The following ARHGEF10L variants were observed in gnomAD, a reference collection of about 807,000 sequenced individuals.
ARHGEF10L encodes rho guanine nucleotide exchange factor 10-like protein.
ARHGEF10L carries 69 observed loss-of-function variants against 141.2 expected under a neutral mutation model. The observed-to-expected ratio is 0.49, with a 90% CI of 0.40 to 0.60. ARHGEF10L has a LOEUF of 0.60. Ranked by LOEUF, ARHGEF10L falls within the 20% of genes least tolerant of loss-of-function variation. ARHGEF10L has a pLI of 0.00. For missense variants in ARHGEF10L, 1,482 were observed against 1,734.3 expected (o/e 0.85, Z 2.58); for synonymous variants, 711 against 718.5 (o/e 0.99, Z 0.17).
chr1:17,555,032 T>C (rs1570435810), intron 1 of ARHGEF10L, among the ~76,000 whole-genome samples: 1 of 152,218 alleles, frequency 6.6e-6, no homozygotes. Flanking sequence ...GTTGCCAATA[T>C]GGGTAGACTG....
intron 19 of ARHGEF10L, 41 bp from the exon 20 acceptor site, chr1:17,638,521 A>G (rs1557896656): frequency 6.2e-7 from 1 of 1,612,194 alleles, no homozygotes; most frequent in Non-Finnish European, 8.5e-7. Context: ...TTGGGGAGCC[A>G]GTGTGCTGTG....
At position 17,621,231 on chromosome 1, in the gene ARHGEF10L, A is replaced by G. The variant is rs1047927439; in HGVS notation, c.943-633A>G. Among the ~76,000 whole-genome samples the G allele has an allele frequency of 6.6e-6, 1 of 151,904 alleles. No homozygotes were observed. Among genetic ancestry groups the G allele is most frequent in the African/African-American group, 2.4e-5 (1 of 41,348 alleles). On this transcript the variant is annotated intron_variant, in intron 10 of 28. Coordinates refer to ENST00000361221, the MANE Select transcript of ARHGEF10L (RefSeq NM_018125.4). This position sits in a 1 kb window ranked among gnomAD's most constrained non-coding sequence, Gnocchi z 4.1. Reference sequence around the variant, plus strand: ...CGGTTCATGCTAATGCTAAGACAGAATTTTCTTTTCTTTTTTTTTGAGATG... The same window carrying G: ...CGGTTCATGCTAATGCTAAGACAGAGTTTTCTTTTCTTTTTTTTTGAGATG...
At chr1:17,612,966 C>T in intron 7 of ARHGEF10L, 92 bp from the exon 8 acceptor site, 1 of 865,364 alleles carries the variant, frequency 1.2e-6, no homozygotes, top group South Asian at 1.5e-5. Context: ...ACCTGAGTCT[C>T]CTTTCTCCCC....
the ARHGEF10L span, among the ~76,000 whole-genome samples, chr1:17,534,283 C>G: frequency 2.0e-5 from 3 of 151,954 alleles, no homozygotes; most frequent in Non-Finnish European, 4.4e-5. Context: ...CCTCCACGCC[C>G]GGCTAATCTT....
intron 26 of ARHGEF10L, among the ~76,000 whole-genome samples, chr1:17,684,505 C>G (rs945884467): frequency 6.6e-6 from 1 of 152,136 alleles, no homozygotes; most frequent in Non-Finnish European, 1.5e-5. Context: ...CCTGGGCCTT[C>G]TCTGAGGGCC....
chr1:17,563,916 A>G (rs1234761534), intron 1 of ARHGEF10L, among the ~76,000 whole-genome samples: 2 of 152,104 alleles, frequency 1.3e-5, no homozygotes, highest in Admixed American at 1.3e-4. Flanking sequence ...AAGAAACAAA[A>G]TGACCCAGAC....
intron 26 of ARHGEF10L, among the ~76,000 whole-genome samples, chr1:17,680,497 C>T (rs992337663): frequency 1.3e-5 from 2 of 152,144 alleles, no homozygotes; most frequent in African/African-American, 2.4e-5. Flanking sequence ...GCGCCTGTAG[C>T]GGGTGGATGG....
chr1:17,563,233 T>C (rs2077613134), intron 1 of ARHGEF10L, among the ~76,000 whole-genome samples: 1 of 140,298 alleles, frequency 7.1e-6, no homozygotes. Flanking sequence ...CAGAGAGCCC[T>C]TTTCTTTTTT....
intron 4 of ARHGEF10L, among the ~76,000 whole-genome samples, chr1:17,593,960 C>G (rs895116489): frequency 1.3e-5 from 2 of 150,248 alleles, no homozygotes; most frequent in Non-Finnish European, 3.0e-5. Context: ...CTATGGCCCT[C>G]TCTGTGCATC....
chr1:17,518,302 G>A, the ARHGEF10L span, among the ~76,000 whole-genome samples: 3 of 152,192 alleles, frequency 2.0e-5, no homozygotes, highest in Admixed American at 6.5e-5. Flanking sequence ...TCTGTGTGCA[G>A]ACTGCTGATC....
intron 4 of ARHGEF10L, among the ~76,000 whole-genome samples, chr1:17,601,049 C>CAAAAAAA (rs55806926): frequency 1.1e-3 from 56 of 49,534 alleles, no homozygotes; most frequent in South Asian, 2.5e-3. Context: ...GGCTCTGTCT[C>CAAAAAAA]AAAAAAAAAA....
chr1:17,549,163 C>T (rs1008510702), intron 1 of ARHGEF10L, among the ~76,000 whole-genome samples: 2 of 151,792 alleles, frequency 1.3e-5, no homozygotes, highest in African/African-American at 4.8e-5. Flanking sequence ...GATGGGATTA[C>T]AGGCGCCTGC....
intron 1 of ARHGEF10L, among the ~76,000 whole-genome samples, chr1:17,553,263 C>T (rs2077183170): frequency 6.6e-6 from 1 of 152,160 alleles, no homozygotes; most frequent in African/African-American, 2.4e-5. Flanking sequence ...CACTTTGCCC[C>T]CTGCCTTTAC....
chr1:17,522,988 C>T, the ARHGEF10L span, among the ~76,000 whole-genome samples: 1 of 151,924 alleles, frequency 6.6e-6, no homozygotes. Flanking sequence ...CCCAGCTACT[C>T]GGGAAGCTGA....
At chr1:17,517,906 A>G in the ARHGEF10L span, among the ~76,000 whole-genome samples, 3 of 151,860 alleles carry the variant, frequency 2.0e-5, no homozygotes, top group Admixed American at 1.3e-4. Context: ...AGATGATCCA[A>G]CCGCCTCGGC....
chr1:17,679,605 A>G (rs1379497327), intron 26 of ARHGEF10L, among the ~76,000 whole-genome samples: 1 of 152,192 alleles, frequency 6.6e-6, no homozygotes, highest in African/African-American at 2.4e-5. Flanking sequence ...TTGTTTCCTC[A>G]GCGGTAAAGT....
At chr1:17,626,123 G>T (rs2060372257) in intron 14 of ARHGEF10L, 75 bp downstream of exon 14, 6 of 1,350,192 alleles carry the variant, frequency 4.4e-6, no homozygotes, top group African/African-American at 1.4e-5. Flanking sequence ...TGGGGTAGGA[G>T]GGAGGAGGTC....
intron 26 of ARHGEF10L, among the ~76,000 whole-genome samples, chr1:17,684,661 C>T (rs1389900696): frequency 6.6e-6 from 1 of 152,184 alleles, no homozygotes; most frequent in African/African-American, 2.4e-5. Context: ...CTTGGGGGGC[C>T]CCCACCCAAT....
intron 1 of ARHGEF10L, among the ~76,000 whole-genome samples, chr1:17,576,700 C>T (rs1357732317): frequency 1.3e-5 from 2 of 152,236 alleles, no homozygotes. Flanking sequence ...GAATTCATCA[C>T]ACCCACTGCT....
Sources: gnomAD v4.1 joint callset for allele counts (sites outside exome capture counted in the v4.1 genomes callset) on GRCh38, gnomAD v4.1.1 for gene constraint, Gnocchi (gnomAD v3.1) non-coding constraint, MANE v1.5 for transcripts, NCBI Gene and HGNC (gene_info 2026-07-23, HGNC 2026-07-21) for gene names.